The following CNTN4 variants were observed in gnomAD, a reference collection of about 807,000 sequenced individuals.
The protein encoded by CNTN4 is contactin 4.
CNTN4 carries 77 observed loss-of-function variants against 122.5 expected under a neutral mutation model. That is an observed-to-expected ratio of 0.63 (90% CI 0.52 to 0.76). The LOEUF is 0.76. Among genes scored for constraint, CNTN4 ranks in the 30% least tolerant of loss-of-function variants. The pLI, the probability that CNTN4 is intolerant of heterozygous loss-of-function variation, is 0.00. For synonymous variants in CNTN4, 512 were observed against 447.0 expected (o/e 1.15, Z -1.83); for missense variants, 1,256 against 1,259.1 (o/e 1.00, Z 0.04).
intron 7 of CNTN4, among the ~76,000 whole-genome samples, chr3:2,857,722 G>A (rs1018842198): frequency 7.2e-5 from 11 of 152,098 alleles, no homozygotes; most frequent in African/African-American, 1.7e-4. Context: ...GAGTAGCTGC[G>A]ACTACAGGTG....
At chr3:2,175,461 C>G (rs1172335263) in intron 2 of CNTN4, among the ~76,000 whole-genome samples, 1 of 152,112 alleles carries the variant, frequency 6.6e-6, no homozygotes, top group Non-Finnish European at 1.5e-5. Flanking sequence ...TTTCAAATGA[C>G]CTAACACTGT....
intron 2 of CNTN4, among the ~76,000 whole-genome samples, chr3:2,319,304 C>T (rs1166088843): frequency 6.6e-6 from 1 of 152,012 alleles, no homozygotes; most frequent in East Asian, 1.9e-4. Context: ...AGAATCATAG[C>T]CAGTAAGTTG....
chr3:2,590,819 A>T (rs1250423364), intron 4 of CNTN4, among the ~76,000 whole-genome samples: 3 of 151,984 alleles, frequency 2.0e-5, no homozygotes, highest in African/African-American at 7.3e-5. Context: ...CAGCAGAAAA[A>T]CTTTTCCTGA....
chr3:2,100,256 G>A (rs982519439), intron 1 of CNTN4, among the ~76,000 whole-genome samples: 2 of 152,166 alleles, frequency 1.3e-5, no homozygotes, highest in African/African-American at 4.8e-5. Flanking sequence ...ATAGGGGCGG[G>A]CACATGTTTG....
intron 2 of CNTN4, among the ~76,000 whole-genome samples, chr3:2,167,786 C>T (rs1222914246): frequency 5.9e-5 from 9 of 152,292 alleles, no homozygotes; most frequent in Admixed American, 4.6e-4. Flanking sequence ...AATATGTCCA[C>T]TTGGCTTCTA....
chr3:2,230,007 T>C (rs1395600915), intron 2 of CNTN4, among the ~76,000 whole-genome samples: 4 of 152,122 alleles, frequency 2.6e-5, no homozygotes, highest in Non-Finnish European at 5.9e-5. Flanking sequence ...GTTCTTAACC[T>C]AAAGTTTCTC....
At chr3:2,264,475 G>C (rs1164050255) in intron 2 of CNTN4, among the ~76,000 whole-genome samples, 2 of 151,846 alleles carry the variant, frequency 1.3e-5, no homozygotes, top group Non-Finnish European at 1.5e-5. Flanking sequence ...ATTGGTTTTT[G>C]CTATTGAGTT....
intron 4 of CNTN4, among the ~76,000 whole-genome samples, chr3:2,577,704 T>C (rs1386048798): frequency 2.6e-5 from 4 of 152,224 alleles, no homozygotes; most frequent in African/African-American, 9.6e-5. Flanking sequence ...CTTTACCATG[T>C]GCTATTGATT....
chr3:2,326,521 C>T (rs1575380569), intron 2 of CNTN4, among the ~76,000 whole-genome samples: 3 of 136,568 alleles, frequency 2.2e-5, no homozygotes, highest in East Asian at 2.5e-4. Context: ...CACACACACA[C>T]ACACACAATC....
intron 2 of CNTN4, among the ~76,000 whole-genome samples, chr3:2,258,510 A>G (rs1162803126): frequency 1.3e-5 from 2 of 152,182 alleles, no homozygotes; most frequent in Non-Finnish European, 2.9e-5. Context: ...GAAATATATT[A>G]ACATTAGCTA....
At chr3:2,630,337 G>A (rs1352387195) in intron 4 of CNTN4, among the ~76,000 whole-genome samples, 1 of 152,172 alleles carries the variant, frequency 6.6e-6, no homozygotes, top group African/African-American at 2.4e-5. Context: ...TACTCGGGAG[G>A]CTGAGGTGGG....
intron 18 of CNTN4, among the ~76,000 whole-genome samples, chr3:3,038,501 A>C (rs1053129455): frequency 1.3e-5 from 2 of 152,126 alleles, no homozygotes; most frequent in African/African-American, 4.8e-5. Flanking sequence ...ACCTTGCTCT[A>C]ACTGGTGCAG....
chr3:2,852,714 C>A (rs1034081781), intron 7 of CNTN4, among the ~76,000 whole-genome samples: 22 of 152,216 alleles, frequency 1.4e-4, no homozygotes, highest in African/African-American at 5.1e-4. Flanking sequence ...GTTTCAAGAC[C>A]ATGTACGTCT....
At chr3:2,190,272 G>A (rs2037464614) in intron 2 of CNTN4, among the ~76,000 whole-genome samples, 1 of 151,160 alleles carries the variant, frequency 6.6e-6, no homozygotes, top group African/African-American at 2.4e-5. Context: ...AATCTAAGCA[G>A]TTGGGTGGAT....
At chr3:2,352,432 G>A (rs995038439) in intron 3 of CNTN4, among the ~76,000 whole-genome samples, 5 of 152,266 alleles carry the variant, frequency 3.3e-5, no homozygotes, top group Admixed American at 6.5e-5. Context: ...CGCAGCGCTC[G>A]CAGGCCAGCT....
chr3:2,745,750 T>A (rs2089716585), intron 6 of CNTN4, 53 bp downstream of exon 6: 4 of 1,511,572 alleles, frequency 2.6e-6, no homozygotes. Context: ...TGTGTACCAT[T>A]ATACCAATAA....
intron 7 of CNTN4, among the ~76,000 whole-genome samples, chr3:2,864,951 G>A (rs2093708453): frequency 6.6e-6 from 1 of 151,940 alleles, no homozygotes; most frequent in Non-Finnish European, 1.5e-5. Flanking sequence ...TAGATTACTA[G>A]GTTTGCTTGA....
At chr3:2,596,426 A>G (rs767938563) in intron 4 of CNTN4, among the ~76,000 whole-genome samples, 6 of 152,220 alleles carry the variant, frequency 3.9e-5, no homozygotes, top group Non-Finnish European at 8.8e-5. Context: ...AAAGATGATA[A>G]TGTTGACAAT....
intron 2 of CNTN4, among the ~76,000 whole-genome samples, chr3:2,244,819 G>A (rs1357849660): frequency 5.3e-5 from 8 of 151,994 alleles, no homozygotes; most frequent in Admixed American, 5.3e-4. Flanking sequence ...GAAACATGTG[G>A]CGATTGCTCA....
Sources: gnomAD v4.1 joint callset for allele counts (sites outside exome capture counted in the v4.1 genomes callset) on GRCh38, gnomAD v4.1.1 for gene constraint, MANE v1.5 for transcripts, NCBI Gene and HGNC (gene_info 2026-07-23, HGNC 2026-07-21) for gene names.